HEATR5B: variants seen among roughly 807,000 people sequenced by gnomAD.
HEATR5B encodes the protein HEAT repeat-containing protein 5B.
Under a neutral mutation model 224.1 loss-of-function variants are expected in HEATR5B, and 156 were observed. That is an observed-to-expected ratio of 0.70 (90% CI 0.61 to 0.80). The LOEUF (loss-of-function observed/expected upper bound fraction) is 0.80. Among genes scored for constraint, HEATR5B ranks in the 30% least tolerant of loss-of-function variants. The pLI, the probability that HEATR5B is intolerant of heterozygous loss-of-function variation, is 0.00. For missense variants in HEATR5B, 2,323 were observed against 2,535.5 expected (o/e 0.92, Z 1.80); for synonymous variants, 1,027 against 893.0 (o/e 1.15, Z -2.68).
intron 2 of HEATR5B, among the ~76,000 whole-genome samples, chr2:37,079,565 A>C (rs1672429227): frequency 6.6e-6 from 1 of 152,282 alleles, no homozygotes; most frequent in African/African-American, 2.4e-5. Context: ...GGTTAGCTCC[A>C]ATAAAGTGAC....
chr2:37,029,936 A>AAAATAAAT (rs150155666), intron 22 of HEATR5B, among the ~76,000 whole-genome samples: 25,104 of 142,308 alleles, frequency 0.18, 2,865 homozygotes, highest in African/African-American at 0.32. Flanking sequence ...TCTATCTCAA[A>AAAATAAAT]AAATAAATAA....
chr2:37,049,570 G>T, intron 18 of HEATR5B, 83 bp downstream of exon 18: 1 of 1,238,252 alleles, frequency 8.1e-7, no homozygotes, highest in East Asian at 2.3e-5. Flanking sequence ...TATACCATGT[G>T]GAAAACATAA....
intron 21 of HEATR5B, among the ~76,000 whole-genome samples, chr2:37,034,495 C>T (rs1669348384): frequency 7.0e-6 from 1 of 143,562 alleles, no homozygotes. Flanking sequence ...CGCCTGTAGT[C>T]CCAGCTACTT....
intron 21 of HEATR5B, among the ~76,000 whole-genome samples, chr2:37,033,156 G>T (rs1265886179): frequency 2.6e-5 from 4 of 152,040 alleles, no homozygotes; most frequent in Admixed American, 2.6e-4. Context: ...TGGGATTACA[G>T]GCATGAGCCA....
chr2:37,032,687 T>A lies in HEATR5B; in HGVS notation c.3303A>T (p.Val1101=). 1 of 1,614,140 alleles carries A rather than the reference T, an allele frequency of 6.2e-7. No individual in the cohort carries two copies. The highest frequency in any genetic ancestry group is 2.2e-5 in the East Asian group (1 of 44,882). Residue 1101 remains valine (V), a synonymous_variant, in exon 22 of 36, where the codon GTA becomes GTT. Coordinates refer to ENST00000233099, the MANE Select transcript of HEATR5B (RefSeq NM_019024.3). Reference sequence around the variant, plus strand: ...TTGCCAGGCTCATGGCATATTCACATACTTCCGCTGCTTCTCTTTGTGCAA... The same window carrying A: ...TTGCCAGGCTCATGGCATATTCACAAACTTCCGCTGCTTCTCTTTGTGCAA... ...RQLAQREAAE[V]CEYAMSLAKN...
At position 36,985,621 on chromosome 2, in the gene HEATR5B, CT is replaced by C. The variant is rs558499229; in HGVS notation, c.5911+3024del. Reference sequence around the variant, plus strand: ...TACAGGCATGTGCCACCACTCCTGGCTTTTTTTTTTTTTTTTTTTTTTTTCA... The same window carrying C: ...TACAGGCATGTGCCACCACTCCTGGCTTTTTTTTTTTTTTTTTTTTTTTCA... On this transcript the variant is annotated intron_variant, in intron 35 of 35. Coordinates refer to ENST00000233099, the MANE Select transcript of HEATR5B (RefSeq NM_019024.3). 7.9e-3 allele frequency among the ~76,000 whole-genome samples: 727 copies of C among 92,110 alleles called. 2 individuals are homozygous for C. Among genetic ancestry groups the C allele is most frequent in the East Asian group, 0.013 (54 of 4,316 alleles). 60.4% of individuals were successfully genotyped at this position (92,110 alleles called of 152,430 possible).
chr2:37,078,225 A>G (rs916272760), intron 3 of HEATR5B, among the ~76,000 whole-genome samples: 1 of 152,252 alleles, frequency 6.6e-6, no homozygotes, highest in Non-Finnish European at 1.5e-5. Flanking sequence ...AGAGAGGTTA[A>G]CTAAATTTAG....
chr2:37,084,331 G>T lies in HEATR5B; in HGVS notation c.-85C>A. 1 of 411,620 alleles carries T rather than the reference G, an allele frequency of 2.4e-6. No homozygotes were observed. The allele number at this position is 411,620 out of a possible 1,614,324, so 25.5% of individuals were successfully genotyped here. Reference sequence around the variant, plus strand: ...GGTAGAAGCAGCCACCAAGAGACCCGGATGCCCCACCTCCCGCACTCCTAC... The same window carrying T: ...GGTAGAAGCAGCCACCAAGAGACCCTGATGCCCCACCTCCCGCACTCCTAC... On this transcript the variant is annotated 5_prime_UTR_variant, in exon 1 of 36. Transcript: ENST00000233099.
Position 37,049,725 on chromosome 2 carries a change from G to GCTT in HEATR5B, c.2621_2623dup (p.Glu874dup). On this transcript the variant is annotated inframe_insertion, in exon 18 of 36. Coordinates refer to ENST00000233099, the MANE Select transcript of HEATR5B (RefSeq NM_019024.3). ...AACCACCTGAGCCATTCTTCCAAGA[G>GCTT]CTTCCCCCGCTGCACAACGTAAGAT... The GCTT allele has an allele frequency of 6.2e-7, 1 of 1,613,946 alleles. No individual in the cohort carries two copies.
chr2:37,040,585 G>T, intron 19 of HEATR5B, 67 bp from the exon 20 acceptor site: 1 of 1,162,120 alleles, frequency 8.6e-7, no homozygotes, highest in Non-Finnish European at 1.2e-6. Flanking sequence ...TGAGTATACT[G>T]AATTGTTACA....
intron 18 of HEATR5B, among the ~76,000 whole-genome samples, chr2:37,046,065 A>C (rs571297299): frequency 1.3e-5 from 2 of 152,352 alleles, no homozygotes; most frequent in South Asian, 2.1e-4. Flanking sequence ...AGTAATGTAG[A>C]GATTTGAAAT....
At chr2:37,067,020 C>T (rs190614188) in intron 8 of HEATR5B, among the ~76,000 whole-genome samples, 7 of 152,148 alleles carry the variant, frequency 4.6e-5, no homozygotes, top group Non-Finnish European at 7.4e-5. Flanking sequence ...CAGGTGTACG[C>T]CACCACGCCT....
chr2:37,032,539 C>G, intron 22 of HEATR5B, 90 bp downstream of exon 22: 1 of 1,088,906 alleles, frequency 9.2e-7, no homozygotes, highest in Non-Finnish European at 1.3e-6. Flanking sequence ...GGCCACATTG[C>G]AACAGAAAAA....
intron 33 of HEATR5B, among the ~76,000 whole-genome samples, chr2:36,991,847 G>A (rs1359507554): frequency 6.6e-6 from 1 of 152,042 alleles, no homozygotes; most frequent in Admixed American, 6.6e-5. Context: ...CATAATAAGG[G>A]TACCAGCTTT....
At chr2:37,009,922 A>G (rs1040051509) in intron 27 of HEATR5B, among the ~76,000 whole-genome samples, 3 of 152,146 alleles carry the variant, frequency 2.0e-5, no homozygotes, top group African/African-American at 2.4e-5. Context: ...ATATCCTTCT[A>G]AACTCCTTCT....
At chr2:37,065,972 T>C in intron 8 of HEATR5B, 62 bp from the exon 9 acceptor site, 1 of 1,489,036 alleles carries the variant, frequency 6.7e-7, no homozygotes. Context: ...ATTTTTTTGG[T>C]CTATACAATT....
chr2:36,994,344 C>T (rs184587660), intron 33 of HEATR5B, among the ~76,000 whole-genome samples: 1 of 152,232 alleles, frequency 6.6e-6, no homozygotes, highest in African/African-American at 2.4e-5. Flanking sequence ...AAGAGTGATT[C>T]ATTAGATCCA....
At chr2:37,038,916 T>C (rs2372915) in intron 20 of HEATR5B, among the ~76,000 whole-genome samples, 5 of 100,996 alleles carry the variant, frequency 5.0e-5, no homozygotes, top group African/African-American at 1.7e-4. Flanking sequence ...GTGGGGGGGG[T>C]GGGGAATCAC....
chr2:37,021,182 T>C (rs1274325200), intron 24 of HEATR5B, among the ~76,000 whole-genome samples: 2 of 152,198 alleles, frequency 1.3e-5, no homozygotes, highest in African/African-American at 2.4e-5. Context: ...TTTGGCTTCA[T>C]GAAAGAAAAC....
Sources: gnomAD v4.1 joint callset for allele counts (sites outside exome capture counted in the v4.1 genomes callset) on GRCh38, gnomAD v4.1.1 for gene constraint, MANE v1.5 for transcripts, NCBI Gene and HGNC (gene_info 2026-07-23, HGNC 2026-07-21) for gene names.